The following ZNRF3 variants were observed in gnomAD, a reference collection of about 807,000 sequenced individuals.
The protein encoded by ZNRF3 is E3 ubiquitin-protein ligase ZNRF3.
In ZNRF3, 23 loss-of-function variants were observed where a neutral mutation model predicts 72.5. That is an observed-to-expected ratio of 0.32 (90% CI 0.23 to 0.45). ZNRF3 has a LOEUF of 0.45. Among genes scored for constraint, ZNRF3 ranks in the 20% least tolerant of loss-of-function variants. The pLI is 1.00. For missense variants in ZNRF3, 1,169 were observed against 1,272.1 expected (o/e 0.92, Z 1.23); for synonymous variants, 610 against 545.3 (o/e 1.12, Z -1.65).
At chr22:28,987,043 C>A in intron 1 of ZNRF3, 33 bp from the exon 2 acceptor site, 1 of 1,592,780 alleles carries the variant, frequency 6.3e-7, no homozygotes, top group South Asian at 1.2e-5. Context: ...TGTAGCTTGC[C>A]TGCTGAAGTT....
chr22:28,919,247 A>G (rs927320875), intron 1 of ZNRF3, among the ~76,000 whole-genome samples: 3 of 152,206 alleles, frequency 2.0e-5, no homozygotes, highest in Admixed American at 6.5e-5. Flanking sequence ...GATTTCTTAC[A>G]TCTTATTACA....
intron 1 of ZNRF3, among the ~76,000 whole-genome samples, chr22:28,984,609 C>T (rs1051547451): frequency 3.3e-5 from 5 of 152,172 alleles, no homozygotes; most frequent in Non-Finnish European, 7.3e-5. Flanking sequence ...TACTGGTTGC[C>T]GTTACCATGA....
chr22:28,888,839 CGGGCGCG>C (rs1384206647), intron 1 of ZNRF3, among the ~76,000 whole-genome samples: 1 of 151,776 alleles, frequency 6.6e-6, no homozygotes, highest in Non-Finnish European at 1.5e-5. Flanking sequence ...CAGGTCTGGC[CGGGCGCG>C]GTGGCTCACG....
At chr22:29,036,459 T>G (rs2036869433) in intron 2 of ZNRF3, among the ~76,000 whole-genome samples, 1 of 152,238 alleles carries the variant, frequency 6.6e-6, no homozygotes, top group African/African-American at 2.4e-5. Flanking sequence ...TGAAGTATCA[T>G]CATCTAGAGA....
intron 2 of ZNRF3, among the ~76,000 whole-genome samples, chr22:29,018,777 G>A (rs1274978302): frequency 1.3e-5 from 2 of 152,134 alleles, no homozygotes; most frequent in East Asian, 3.8e-4. Flanking sequence ...TGACAACACG[G>A]GTGAGGTAGC....
At chr22:28,989,584 G>C (rs904675424) in intron 2 of ZNRF3, among the ~76,000 whole-genome samples, 1 of 152,186 alleles carries the variant, frequency 6.6e-6, no homozygotes, top group Non-Finnish European at 1.5e-5. Flanking sequence ...GAAGAAGCAG[G>C]CAGTGGACAG....
At chr22:29,052,317 G>C (rs933130930) in intron 8 of ZNRF3, among the ~76,000 whole-genome samples, 1 of 152,202 alleles carries the variant, frequency 6.6e-6, no homozygotes, top group Non-Finnish European at 1.5e-5. Context: ...TATTCCACTT[G>C]GAACCAGAGT....
rs560615438 is a variant in ZNRF3 at position 28,955,051 on chromosome 22, T to G, written c.301-32025T>G. 7.2e-3 allele frequency among the ~76,000 whole-genome samples: 1,088 copies of G among 150,504 alleles called. 15 individuals are homozygous for G. The highest frequency in any genetic ancestry group is 0.012 in the Admixed American group (183 of 15,154). On this transcript the variant is annotated intron_variant, in intron 1 of 8. Transcript: ENST00000544604. ...TTTGGTGTTTTTTTTTTTTTGTTTT[T>G]TTTTTTTGAGACAAGGTCTTGTTCT...
At chr22:28,915,658 G>A (rs2034394323) in intron 1 of ZNRF3, among the ~76,000 whole-genome samples, 1 of 152,210 alleles carries the variant, frequency 6.6e-6, no homozygotes, top group East Asian at 1.9e-4. Flanking sequence ...GAAGGACAAA[G>A]TGGAATACTT....
At chr22:28,893,058 T>G (rs1399973222) in intron 1 of ZNRF3, among the ~76,000 whole-genome samples, 1 of 151,878 alleles carries the variant, frequency 6.6e-6, no homozygotes, top group Non-Finnish European at 1.5e-5. Flanking sequence ...TCCCAGCTAC[T>G]CGGGAGGCTG....
chr22:28,987,351 C>T lies in ZNRF3; in HGVS notation c.426+150C>T, dbSNP rs2035873030. ...AAGTTGCATGAGGTGGGGACTGAGA[C>T]ATGCCTTGCAGTGGCCCACCAGTGT... On this transcript the variant is annotated intron_variant, in intron 2 of 8. Coordinates refer to ENST00000544604, the MANE Select transcript of ZNRF3 (RefSeq NM_001206998.2). 15 of 1,247,824 alleles carry T rather than the reference C, an allele frequency of 1.2e-5. No individual in the cohort carries two copies. The South Asian group carries it at 2.4e-4, about 20-fold the overall frequency. 77.3% of individuals were successfully genotyped at this position (1,247,824 alleles called of 1,614,324 possible). A position where few individuals can be genotyped will look rare whatever the true frequency, so the allele number is the denominator to read the frequency against.
intron 2 of ZNRF3, among the ~76,000 whole-genome samples, chr22:28,992,387 C>G (rs1341646463): frequency 2.0e-5 from 3 of 152,044 alleles, no homozygotes; most frequent in Non-Finnish European, 4.4e-5. Context: ...TCCACAGCAC[C>G]TGACTCCAGG....
chr22:28,907,042 G>A (rs573795576), intron 1 of ZNRF3, among the ~76,000 whole-genome samples: 7 of 151,016 alleles, frequency 4.6e-5, no homozygotes, highest in African/African-American at 1.7e-4. Context: ...GAGTGCAGGG[G>A]CACCATCTCA....
intron 2 of ZNRF3, among the ~76,000 whole-genome samples, chr22:28,991,647 C>T (rs61697201): frequency 0.083 from 12,631 of 152,006 alleles, 1,015 homozygotes; most frequent in African/African-American, 0.2. Context: ...TTACCTATAG[C>T]GTCTCCTTTA....
At chr22:28,904,797 C>T (rs2034175064) in intron 1 of ZNRF3, among the ~76,000 whole-genome samples, 1 of 152,008 alleles carries the variant, frequency 6.6e-6, no homozygotes, top group Non-Finnish European at 1.5e-5. Context: ...CTCCTGCCTG[C>T]TTGAGATTGC....
At chr22:29,001,962 C>G (rs2036156883) in intron 2 of ZNRF3, among the ~76,000 whole-genome samples, 1 of 152,122 alleles carries the variant, frequency 6.6e-6, no homozygotes, top group South Asian at 2.1e-4. Flanking sequence ...AATTAATTCC[C>G]TTTTCTCTTC....
chr22:28,936,063 A>T (rs529514534), intron 1 of ZNRF3, among the ~76,000 whole-genome samples: 31 of 152,238 alleles, frequency 2.0e-4, no homozygotes, highest in Non-Finnish European at 3.4e-4. Context: ...TCTCCTTGGC[A>T]CAGGTTTCTC....
At chr22:28,910,696 T>A (rs2034299930) in intron 1 of ZNRF3, among the ~76,000 whole-genome samples, 2 of 152,200 alleles carry the variant, frequency 1.3e-5, no homozygotes, top group African/African-American at 4.8e-5. Context: ...GTCAGATGTG[T>A]CCCTGAGATG....
chr22:28,957,506 C>T (rs2035281429), intron 1 of ZNRF3, among the ~76,000 whole-genome samples: 1 of 152,152 alleles, frequency 6.6e-6, no homozygotes. Context: ...ATGGCATGAT[C>T]TTGGCTCACT....
Sources: gnomAD v4.1 joint callset for allele counts (sites outside exome capture counted in the v4.1 genomes callset) on GRCh38, gnomAD v4.1.1 for gene constraint, MANE v1.5 for transcripts, NCBI Gene and HGNC (gene_info 2026-07-23, HGNC 2026-07-21) for gene names.